Variants in HRH1 observed in about 807,000 individuals in gnomAD.
The protein encoded by HRH1 is histamine H1 receptor.
HRH1 carries 6 observed loss-of-function variants against 10.3 expected under a neutral mutation model. That is an observed-to-expected ratio of 0.58 (90% CI 0.32 to 1.15). HRH1 has a LOEUF of 1.15. HRH1 is among the 50% of genes most tolerant of loss of function. The pLI, the probability that HRH1 is intolerant of heterozygous loss-of-function variation, is 0.05. For missense variants in HRH1, 514 were observed against 615.3 expected (o/e 0.84, Z 1.74); for synonymous variants, 242 against 236.7 (o/e 1.02, Z -0.21).
At chr3:11,254,430 G>A (rs1030886299) in intron 1 of HRH1, among the ~76,000 whole-genome samples, 1 of 152,200 alleles carries the variant, frequency 6.6e-6, no homozygotes, top group Non-Finnish European at 1.5e-5. Context: ...ACTCAATTGT[G>A]TGTCTTACTC....
At chr3:11,157,474 G>C (rs952295932) in intron 1 of HRH1, among the ~76,000 whole-genome samples, 1 of 152,102 alleles carries the variant, frequency 6.6e-6, no homozygotes, top group Non-Finnish European at 1.5e-5. Flanking sequence ...TCACAGTGAC[G>C]CTGAGCATTT....
At position 11,261,931 on chromosome 3, in the gene HRH1, A is replaced by G. The variant is rs1575051632; in HGVS notation, c.*1430A>G. 6.0e-6 allele frequency: 1 copy of G among 167,160 alleles called. No homozygotes were observed. Among genetic ancestry groups the G allele is most frequent in the African/African-American group, 2.4e-5 (1 of 41,558 alleles). The allele number at this position is 167,160 out of a possible 1,614,324, so 10.4% of individuals were successfully genotyped here. On this transcript the variant is annotated 3_prime_UTR_variant, in exon 2 of 2. Coordinates refer to ENST00000431010, the MANE Select transcript of HRH1 (RefSeq NM_001098212.2). ...CCAAGAGTGGTGGCAGCTCAAAATG[A>G]TATGTTTGAGTAGACGAACAGCTGA...
intron 1 of HRH1, among the ~76,000 whole-genome samples, chr3:11,149,246 C>T (rs750794517): frequency 5.3e-5 from 8 of 152,160 alleles, no homozygotes; most frequent in Non-Finnish European, 8.8e-5. Flanking sequence ...TTTTTAAAAA[C>T]CAGCCAGAGA....
intron 1 of HRH1, among the ~76,000 whole-genome samples, chr3:11,204,084 C>G (rs1023404720): frequency 6.6e-5 from 10 of 152,180 alleles, no homozygotes; most frequent in African/African-American, 2.2e-4. Flanking sequence ...TGCCAAAAAT[C>G]ATTTAATGAT....
intron 1 of HRH1, among the ~76,000 whole-genome samples, chr3:11,190,376 A>ATTT (rs1491424464): frequency 4.3e-4 from 64 of 150,236 alleles, no homozygotes; most frequent in South Asian, 1.9e-3. Flanking sequence ...TTTTTTAATT[A>ATTT]ATTAATTTAT....
intron 1 of HRH1, among the ~76,000 whole-genome samples, chr3:11,155,834 A>G (rs1228720087): frequency 6.6e-6 from 1 of 152,130 alleles, no homozygotes; most frequent in African/African-American, 2.4e-5. Flanking sequence ...GGAGAGAGGG[A>G]GGGTGTACAC....
chr3:11,241,502 A>G (rs1046196443), intron 1 of HRH1, among the ~76,000 whole-genome samples: 1 of 152,042 alleles, frequency 6.6e-6, no homozygotes, highest in Non-Finnish European at 1.5e-5. Flanking sequence ...TGTAAAACGC[A>G]CCAATCAGCA....
chr3:11,242,571 T>A (rs985809963), intron 1 of HRH1, among the ~76,000 whole-genome samples: 1 of 147,526 alleles, frequency 6.8e-6, no homozygotes, highest in African/African-American at 2.5e-5. Context: ...ACCAGGAACC[T>A]GCCGGAAGGA....
chr3:11,224,334 T>C (rs1184402573), intron 1 of HRH1, among the ~76,000 whole-genome samples: 1 of 152,126 alleles, frequency 6.6e-6, no homozygotes, highest in Admixed American at 6.5e-5. Context: ...AAAGAAGAGA[T>C]ACATCTAGCT....
At chr3:11,189,009 C>T (rs548456470) in intron 1 of HRH1, among the ~76,000 whole-genome samples, 2 of 152,164 alleles carry the variant, frequency 1.3e-5, no homozygotes, top group African/African-American at 4.8e-5. Context: ...TAATGCATAC[C>T]TAACTTTGCT....
chr3:11,229,666 T>G (rs1015095517), intron 1 of HRH1, among the ~76,000 whole-genome samples: 4 of 152,216 alleles, frequency 2.6e-5, no homozygotes, highest in Non-Finnish European at 1.5e-5. Flanking sequence ...TTACTCTTGC[T>G]AAGGTTTCTC....
At chr3:11,235,761 A>G (rs765759579) in intron 1 of HRH1, among the ~76,000 whole-genome samples, 1 of 152,246 alleles carries the variant, frequency 6.6e-6, no homozygotes, top group Non-Finnish European at 1.5e-5. Context: ...TCATCTGGCT[A>G]GGACAGGAGC....
intron 1 of HRH1, among the ~76,000 whole-genome samples, chr3:11,235,176 C>T (rs1575033133): frequency 1.3e-5 from 2 of 151,522 alleles, no homozygotes; most frequent in South Asian, 4.2e-4. Flanking sequence ...GATCACACCA[C>T]TGCACTCCAG....
intron 1 of HRH1, among the ~76,000 whole-genome samples, chr3:11,229,571 T>A (rs1938987785): frequency 6.6e-6 from 1 of 152,200 alleles, no homozygotes; most frequent in Non-Finnish European, 1.5e-5. Flanking sequence ...ACTTGTATAT[T>A]TCAGTCCTGA....
intron 1 of HRH1, among the ~76,000 whole-genome samples, chr3:11,255,777 C>A (rs1939767225): frequency 6.6e-6 from 1 of 152,178 alleles, no homozygotes; most frequent in African/African-American, 2.4e-5. Context: ...TGATTAGCCT[C>A]TCCAAAAGAG....
chr3:11,175,706 G>T (rs545243515), intron 1 of HRH1, among the ~76,000 whole-genome samples: 1 of 152,230 alleles, frequency 6.6e-6, no homozygotes, highest in Admixed American at 6.5e-5. Flanking sequence ...TCAGATGCCT[G>T]TAACCACATC....
chr3:11,139,896 G>T (rs1424041130), intron 1 of HRH1, among the ~76,000 whole-genome samples: 1 of 152,110 alleles, frequency 6.6e-6, no homozygotes, highest in Non-Finnish European at 1.5e-5. Flanking sequence ...AACTGCTAGT[G>T]GTGATGGTTG....
chr3:11,140,496 C>T (rs1007569277), intron 1 of HRH1, among the ~76,000 whole-genome samples: 24 of 152,110 alleles, frequency 1.6e-4, no homozygotes, highest in African/African-American at 5.1e-4. Context: ...TCTTTGCCCT[C>T]GTACACCCTG....
intron 1 of HRH1, among the ~76,000 whole-genome samples, chr3:11,239,153 C>T (rs149339403): frequency 3.2e-4 from 48 of 152,320 alleles, no homozygotes; most frequent in African/African-American, 1.1e-3. Context: ...TCTTCTTTCT[C>T]CACATCTTCA....
Sources: allele counts gnomAD v4.1 joint callset (sites outside exome capture counted in the v4.1 genomes callset), GRCh38; gene constraint gnomAD v4.1.1; transcripts MANE v1.5; gene names NCBI Gene and HGNC (gene_info 2026-07-23, HGNC 2026-07-21).